The following TTLL4 variants were observed in gnomAD, a reference collection of about 807,000 sequenced individuals.
TTLL4 encodes tubulin tyrosine ligase like 4, also known as tubulin monoglutamylase TTLL4.
A neutral mutation model predicts 122.7 loss-of-function variants in TTLL4; 85 were observed. That is an observed-to-expected ratio of 0.69 (90% confidence interval 0.58 to 0.83). The LOEUF is 0.83. Among genes scored for constraint, TTLL4 ranks in the 40% least tolerant of loss-of-function variants. The pLI is 0.00. For missense variants in TTLL4, 1,363 were observed against 1,488.6 expected (o/e 0.92, Z 1.39); for synonymous variants, 553 against 563.0 (o/e 0.98, Z 0.25).
chr2:218,718,694 ACATAGGC>A (rs1051657962), intron 1 of TTLL4, among the ~76,000 whole-genome samples: 19 of 152,238 alleles, frequency 1.2e-4, no homozygotes, highest in Non-Finnish European at 2.2e-4. Context: ...AGATTTTCTA[ACATAGGC>A]TACTAATCAT....
intron 8 of TTLL4, chr2:218,746,455 A>G (rs982048557): frequency 3.8e-6 from 2 of 527,306 alleles, no homozygotes; most frequent in African/African-American, 3.8e-5. Context: ...TTGCCTATGT[A>G]GGGGGCAGCT....
At position 218,730,468 on chromosome 2, in the gene TTLL4, A is replaced by ACTGCACT. The variant is rs564111637; in HGVS notation, c.-99+3123_-99+3129dup. 6.0e-3 allele frequency among the ~76,000 whole-genome samples: 915 copies of ACTGCACT among 152,068 alleles called. 7 individuals carry two copies. Among genetic ancestry groups the ACTGCACT allele is most frequent in the African/African-American group, 0.019 (803 of 41,522 alleles). On this transcript the variant is annotated intron_variant, in intron 2 of 19. Coordinates refer to ENST00000392102, the MANE Select transcript of TTLL4 (RefSeq NM_014640.5). ...GGTTGCAGTGAGCTGAGATCATGCC[A>ACTGCACT]CTGCACTCCAGCCTGGGCAACAGAG...
intron 8 of TTLL4, chr2:218,746,684 C>T: frequency 2.4e-6 from 1 of 408,546 alleles, no homozygotes; most frequent in East Asian, 4.6e-5. Flanking sequence ...GAGTCCCTTG[C>T]CTCCAGACTT....
intron 16 of TTLL4, 79 bp downstream of exon 16, chr2:218,751,885 T>C: frequency 1.0e-6 from 1 of 974,472 alleles, no homozygotes; most frequent in Non-Finnish European, 1.4e-6. Context: ...CAAACAGCTT[T>C]TCTTTTTTTT....
chr2:218,732,510 G>A (rs1182702968), intron 2 of TTLL4, among the ~76,000 whole-genome samples: 1 of 152,172 alleles, frequency 6.6e-6, no homozygotes, highest in African/African-American at 2.4e-5. Context: ...GAATGGGCTT[G>A]ATGACTTTGC....
chr2:218,715,640 T>C (rs1941835947), intron 1 of TTLL4, among the ~76,000 whole-genome samples: 1 of 152,188 alleles, frequency 6.6e-6, no homozygotes, highest in African/African-American at 2.4e-5. Context: ...CTTTTTTTTT[T>C]TCTTTCTTTA....
intron 4 of TTLL4, 77 bp from the exon 5 acceptor site, chr2:218,740,444 G>A (rs1942667184): frequency 1.3e-6 from 2 of 1,486,608 alleles, no homozygotes; most frequent in African/African-American, 2.8e-5. Flanking sequence ...GGATATTCAA[G>A]GAAGAGTTGC....
chr2:218,718,574 C>T (rs1018535238), intron 1 of TTLL4, among the ~76,000 whole-genome samples: 3 of 152,102 alleles, frequency 2.0e-5, no homozygotes, highest in Non-Finnish European at 2.9e-5. Flanking sequence ...AATGGGGTTT[C>T]TCCATGTTGC....
At chr2:218,741,699 A>G (rs1942705641) in intron 5 of TTLL4, among the ~76,000 whole-genome samples, 1 of 152,184 alleles carries the variant, frequency 6.6e-6, no homozygotes, top group African/African-American at 2.4e-5. Context: ...TTCAGGTTAT[A>G]TATATTGGAT....
At chr2:218,712,973 G>A (rs915869801) in intron 1 of TTLL4, among the ~76,000 whole-genome samples, 28 of 152,140 alleles carry the variant, frequency 1.8e-4, no homozygotes, top group Admixed American at 2.0e-4. Context: ...TAAATGTAAC[G>A]GGAATGTCTT....
rs375272990 is a variant in TTLL4, at chr2:218,737,666, G to A, written c.-11G>A. 32 of 1,572,932 alleles carry A rather than the reference G, an allele frequency of 2.0e-5. No homozygotes were observed. In the African/African-American group the frequency reaches 3.9e-4, roughly 19 times the overall value. ...GGCCATGAGACCGTGTGGCCATGAT[G>A]TGGGCCCCTCATGGCCTCAGCAGGA... On this transcript the variant is annotated 5_prime_UTR_variant, in exon 3 of 20. It adds an upstream start codon to the 5' untranslated region. Coordinates refer to ENST00000392102, the MANE Select transcript of TTLL4 (RefSeq NM_014640.5).
intron 2 of TTLL4, among the ~76,000 whole-genome samples, chr2:218,730,623 G>T (rs1395750885): frequency 6.6e-6 from 1 of 152,208 alleles, no homozygotes; most frequent in Non-Finnish European, 1.5e-5. Context: ...TAAGTATGAT[G>T]TTAGCTGTAT....
Position 218,754,580 on chromosome 2 carries a change from G to A in TTLL4, c.*191G>A, listed in dbSNP as rs367765990. On this transcript the variant is annotated 3_prime_UTR_variant, in exon 20 of 20. Transcript: ENST00000392102. The stretch of plus-strand genomic sequence containing the variant: ...GAGGGATGGTAGTGATGGGGAGAAG[G>A]TGAGGAAGGGTCACCCTCTGTCACC... 28 of 760,756 alleles carry A rather than the reference G, an allele frequency of 3.7e-5. No homozygotes were observed. Among genetic ancestry groups the A allele is most frequent in the African/African-American group, 2.1e-4 (12 of 56,980 alleles). The allele number at this position is 760,756 out of a possible 1,614,324, so 47.1% of individuals were successfully genotyped here. A position where few individuals can be genotyped will look rare whatever the true frequency, so the allele number is the denominator to read the frequency against.
chr2:218,746,236 G>A lies in TTLL4; in HGVS notation c.1974+5G>A. The A allele has an allele frequency of 8.1e-6, 13 of 1,614,058 alleles. No individual in the cohort carries two copies. Among genetic ancestry groups the A allele is most frequent in the Non-Finnish European group, 9.3e-6 (11 of 1,179,992 alleles). On this transcript the variant is annotated splice_donor_5th_base_variant and intron_variant, in intron 8 of 19. Transcript: ENST00000392102. The stretch of plus-strand genomic sequence containing the variant: ...TCCATTCGAGAGCATCAGAAGGTAG[G>A]GGTCCTTTCTGAGGAGCTGTTTCCC...
intron 2 of TTLL4, among the ~76,000 whole-genome samples, 171 bp from the exon 3 acceptor site, chr2:218,737,408 T>C (rs1942554455): frequency 1.3e-5 from 2 of 152,114 alleles, no homozygotes; most frequent in East Asian, 1.9e-4. Context: ...AGGAAGATCA[T>C]TGAAAACTCC....
intron 1 of TTLL4, among the ~76,000 whole-genome samples, chr2:218,724,578 A>G (rs189128872): frequency 5.9e-5 from 9 of 152,314 alleles, no homozygotes; most frequent in Non-Finnish European, 1.3e-4. Flanking sequence ...CTCTAGTTCC[A>G]TACATGTTGC....
intron 2 of TTLL4, among the ~76,000 whole-genome samples, chr2:218,733,990 A>T (rs1224327811): frequency 6.6e-6 from 1 of 152,196 alleles, no homozygotes; most frequent in Non-Finnish European, 1.5e-5. Flanking sequence ...GCCTTGGTAT[A>T]AACATGGAGG....
At chr2:218,718,954 G>T (rs1575158120) in intron 1 of TTLL4, among the ~76,000 whole-genome samples, 1 of 152,340 alleles carries the variant, frequency 6.6e-6, no homozygotes, top group African/African-American at 2.4e-5. Flanking sequence ...CATGCAAATA[G>T]AAGGGGATGT....
intron 2 of TTLL4, 120 bp from the exon 3 acceptor site, chr2:218,737,459 A>C: frequency 4.0e-6 from 2 of 503,742 alleles, no homozygotes. Flanking sequence ...CCAAATGACG[A>C]CCAAGACTGG....
Sources: allele counts gnomAD v4.1 joint callset (sites outside exome capture counted in the v4.1 genomes callset), GRCh38; gene constraint gnomAD v4.1.1; transcripts MANE v1.5; gene names NCBI Gene and HGNC (gene_info 2026-07-23, HGNC 2026-07-21).